UTS2: variants seen among roughly 807,000 people sequenced by gnomAD.
The protein encoded by UTS2 is urotensin 2.
UTS2 carries 10 observed loss-of-function variants against 12.6 expected under a neutral mutation model. The ratio of observed to expected loss-of-function variants is 0.80; its 90% CI spans 0.49 to 1.35. The LOEUF (loss-of-function observed/expected upper bound fraction) is 1.35. Among genes scored for constraint, UTS2 ranks in the 40% most tolerant of loss-of-function variants. The pLI, the probability that UTS2 is intolerant of heterozygous loss-of-function variation, is 0.00. For synonymous variants in UTS2, 52 were observed against 50.0 expected (o/e 1.04, Z -0.17); for missense variants, 142 against 143.2 (o/e 0.99, Z 0.04).
chr1:7,892,092 G>C, the UTS2 span, among the ~76,000 whole-genome samples: 1 of 152,226 alleles, frequency 6.6e-6, no homozygotes, highest in African/African-American at 2.4e-5. Context: ...CCCTGCAGTA[G>C]CTGTAGCTCC....
At chr1:7,905,054 G>A in the UTS2 span, among the ~76,000 whole-genome samples, 1 of 151,932 alleles carries the variant, frequency 6.6e-6, no homozygotes, top group Non-Finnish European at 1.5e-5. Context: ...TGTCACCTTG[G>A]CTAGGCTATA....
chr1:7,898,490 T>G, the UTS2 span, among the ~76,000 whole-genome samples: 1 of 152,024 alleles, frequency 6.6e-6, no homozygotes, highest in Non-Finnish European at 1.5e-5. Flanking sequence ...TTTGTTTTTT[T>G]TTTGAGACGG....
the UTS2 span, among the ~76,000 whole-genome samples, chr1:7,885,903 T>TGGGGG: frequency 1.9e-4 from 1 of 5,288 alleles, no homozygotes; most frequent in Non-Finnish European, 3.9e-4. Flanking sequence ...GGTGGGGGGG[T>TGGGGG]GGGGTGGGGG....
the UTS2 span, among the ~76,000 whole-genome samples, chr1:7,907,713 T>C: frequency 6.6e-6 from 1 of 151,988 alleles, no homozygotes; most frequent in African/African-American, 2.4e-5. Context: ...CTGAGCATTA[T>C]GTCAGAGATT....
chr1:7,898,637 G>A, the UTS2 span, among the ~76,000 whole-genome samples: 7 of 151,958 alleles, frequency 4.6e-5, no homozygotes, highest in South Asian at 2.1e-4. Flanking sequence ...CACTACGCCC[G>A]GCTAATTTTT....
chr1:7,908,124 C>T, the UTS2 span, among the ~76,000 whole-genome samples: 3 of 151,944 alleles, frequency 2.0e-5, no homozygotes, highest in Non-Finnish European at 4.4e-5. Context: ...CATGACGAAT[C>T]CCCATCTCTA....
the UTS2 span, among the ~76,000 whole-genome samples, chr1:7,868,610 C>T: frequency 6.6e-6 from 1 of 152,230 alleles, no homozygotes; most frequent in African/African-American, 2.4e-5. Flanking sequence ...AGGCCCATGT[C>T]CCTGTCGCCC....
chr1:7,887,040 CAAAAAAAAAAAAAAAAAAA>C, the UTS2 span, among the ~76,000 whole-genome samples: 3 of 34,728 alleles, frequency 8.6e-5, no homozygotes, highest in African/African-American at 2.5e-4. Context: ...GACTCCGTCT[CAAAAAAAAAAAAAAAAAAA>C]AAAAAAAAAA....
upstream of UTS2, among the ~76,000 whole-genome samples, chr1:7,855,517 G>C (rs1638289848): frequency 6.6e-6 from 1 of 152,100 alleles, no homozygotes; most frequent in Non-Finnish European, 1.5e-5. Context: ...CTGGGAGTCG[G>C]AGGTTGCAGT....
At chr1:7,901,630 G>GTGTA in the UTS2 span, among the ~76,000 whole-genome samples, 6,454 of 150,786 alleles carry the variant, frequency 0.043, 378 homozygotes, top group Admixed American at 0.16. Context: ...GTGTGTGTGT[G>GTGTA]TATATATATA....
At chr1:7,882,086 A>G in the UTS2 span, among the ~76,000 whole-genome samples, 1 of 152,116 alleles carries the variant, frequency 6.6e-6, no homozygotes, top group East Asian at 1.9e-4. Context: ...TGTAACCCCA[A>G]CACTTTGGGA....
chr1:7,889,836 G>T, the UTS2 span, among the ~76,000 whole-genome samples: 5 of 152,076 alleles, frequency 3.3e-5, no homozygotes, highest in Non-Finnish European at 5.9e-5. Context: ...GGAGGCCAAG[G>T]CGGGAGGATC....
chr1:7,872,024 G>A, the UTS2 span, among the ~76,000 whole-genome samples: 2 of 152,090 alleles, frequency 1.3e-5, no homozygotes, highest in Non-Finnish European at 1.5e-5. Context: ...AAGTTTGGCC[G>A]GGCGCGGTGG....
chr1:7,872,028 G>A, the UTS2 span, among the ~76,000 whole-genome samples: 5 of 152,106 alleles, frequency 3.3e-5, no homozygotes, highest in African/African-American at 9.7e-5. Flanking sequence ...TTGGCCGGGC[G>A]CGGTGGCTCA....
the UTS2 span, among the ~76,000 whole-genome samples, chr1:7,863,008 GTAT>G: frequency 4.8e-5 from 1 of 20,678 alleles, no homozygotes. Flanking sequence ...GTATTGTATT[GTAT>G]TGTATTGTAT....
At chr1:7,862,230 G>C in the UTS2 span, among the ~76,000 whole-genome samples, 1 of 151,210 alleles carries the variant, frequency 6.6e-6, no homozygotes, top group Non-Finnish European at 1.5e-5. Flanking sequence ...CTGCCTAAAA[G>C]ACCTCTTCCT....
At chr1:7,895,031 C>G in the UTS2 span, among the ~76,000 whole-genome samples, 8 of 151,694 alleles carry the variant, frequency 5.3e-5, no homozygotes, top group Admixed American at 4.0e-4. Context: ...TCTTCTTCGT[C>G]GGCTTTGTGC....
At chr1:7,858,598 A>G in the UTS2 span, among the ~76,000 whole-genome samples, 3 of 151,868 alleles carry the variant, frequency 2.0e-5, no homozygotes, top group Non-Finnish European at 4.4e-5. Context: ...TTTTTTTGAC[A>G]CAGAGTCTCA....
chr1:7,847,946 T>C (rs923993032), intron 3 of UTS2, 64 bp from the exon 4 acceptor site: 1 of 1,177,688 alleles, frequency 8.5e-7, no homozygotes, highest in African/African-American at 1.5e-5. Context: ...CGAGTGACGA[T>C]TCCTATAAGA....
Sources: allele counts gnomAD v4.1 joint callset (sites outside exome capture counted in the v4.1 genomes callset), GRCh38; gene constraint gnomAD v4.1.1; transcripts MANE v1.5; gene names NCBI Gene and HGNC (gene_info 2026-07-23, HGNC 2026-07-21).